The following CDH12 variants were observed in gnomAD, a reference collection of about 807,000 sequenced individuals.
CDH12 encodes cadherin-12.
Under a neutral mutation model 74.1 loss-of-function variants are expected in CDH12, and 41 were observed. That is an observed-to-expected ratio of 0.55 (90% CI 0.43 to 0.72). The LOEUF (loss-of-function observed/expected upper bound fraction) is 0.72, where lower values mean the gene tolerates loss of function less well. Ranked by LOEUF, CDH12 falls within the 30% of genes least tolerant of loss-of-function variation. CDH12 has a pLI of 0.00. For synonymous variants in CDH12, 399 were observed against 355.0 expected (o/e 1.12, Z -1.39); for missense variants, 945 against 977.2 (o/e 0.97, Z 0.44).
At chr5:22,125,232 G>A (rs966476257) in intron 4 of CDH12, among the ~76,000 whole-genome samples, 1 of 151,892 alleles carries the variant, frequency 6.6e-6, no homozygotes, top group African/African-American at 2.4e-5. Context: ...CATGCATTAG[G>A]TATTTGTCCT....
chr5:22,337,035 A>T (rs541962764), intron 3 of CDH12, among the ~76,000 whole-genome samples: 1 of 152,210 alleles, frequency 6.6e-6, no homozygotes, highest in Non-Finnish European at 1.5e-5. Context: ...CATAAGTGTG[A>T]CCTGAATGGG....
intron 3 of CDH12, among the ~76,000 whole-genome samples, chr5:22,259,063 T>C (rs1352407224): frequency 7.9e-5 from 12 of 152,268 alleles, no homozygotes; most frequent in Admixed American, 5.9e-4. Context: ...TTTTAATGTG[T>C]TTATTTGGAT....
At chr5:22,444,922 C>A (rs528419446) in intron 2 of CDH12, among the ~76,000 whole-genome samples, 305 of 151,868 alleles carry the variant, frequency 2.0e-3, no homozygotes, top group African/African-American at 7.1e-3. Flanking sequence ...ATACCATGTT[C>A]TCCAGAAGAC....
intron 11 of CDH12, among the ~76,000 whole-genome samples, chr5:21,769,270 A>G (rs1442091009): frequency 2.0e-5 from 3 of 152,050 alleles, no homozygotes; most frequent in Non-Finnish European, 4.4e-5. Flanking sequence ...ATCAGACCCA[A>G]ATATAAATTT....
Position 22,300,285 on chromosome 5 carries a change from T to A in CDH12, c.-332-87642A>T, listed in dbSNP as rs541039785. ...AAGCTACAGCTATGACAACAACATT[T>A]ATTAGGAATCCACCATATGTATGCA... On this transcript the variant is annotated intron_variant, in intron 3 of 14. Coordinates refer to ENST00000382254, the MANE Select transcript of CDH12 (RefSeq NM_004061.5). Among the ~76,000 whole-genome samples the A allele has an allele frequency of 3.3e-5, 5 of 152,302 alleles. No individual in the cohort carries two copies. The East Asian group carries it at 7.7e-4, about 24-fold the overall frequency.
At chr5:22,701,640 T>G (rs2126960265) in intron 1 of CDH12, among the ~76,000 whole-genome samples, 1 of 152,250 alleles carries the variant, frequency 6.6e-6, no homozygotes, top group South Asian at 2.1e-4. Context: ...TTGCCTTTTA[T>G]TACTGGTTTT....
chr5:21,755,234 A>G (rs145725817), intron 14 of CDH12, among the ~76,000 whole-genome samples: 1 of 152,204 alleles, frequency 6.6e-6, no homozygotes, highest in Non-Finnish European at 1.5e-5. Flanking sequence ...ACTAGGAAGT[A>G]AAACAAATTG....
chr5:21,853,909 GT>G (rs1750609227), intron 7 of CDH12, among the ~76,000 whole-genome samples: 1 of 151,504 alleles, frequency 6.6e-6, no homozygotes, highest in South Asian at 2.1e-4. Context: ...AATAACCATC[GT>G]TGTGGGGTTT....
rs1242516106 is a variant in CDH12, at chr5:21,953,355, T to C, written c.526+21736A>G. Among the ~76,000 whole-genome samples the C allele has an allele frequency of 2.0e-5, 3 of 152,208 alleles. No individual in the cohort carries two copies. In the East Asian group the frequency reaches 5.8e-4, roughly 29 times the overall value. On this transcript the variant is annotated intron_variant, in intron 6 of 14. Coordinates refer to ENST00000382254, the MANE Select transcript of CDH12 (RefSeq NM_004061.5). ...CCTGCAATTGGTTGTCTCCTTGGAATGTATAAAAACAAACTGTAACCCGGT... is the reference window on the plus strand; with the variant it reads ...CCTGCAATTGGTTGTCTCCTTGGAACGTATAAAAACAAACTGTAACCCGGT...
intron 7 of CDH12, among the ~76,000 whole-genome samples, chr5:21,846,602 C>A (rs1427673113): frequency 2.0e-5 from 3 of 151,894 alleles, no homozygotes; most frequent in Non-Finnish European, 4.4e-5. Context: ...GAATCTTAAT[C>A]AAAAAATAGA....
rs1375202289 is a variant in CDH12, at chr5:22,255,851, AT to A, written c.-332-43209del. Among the ~76,000 whole-genome samples the A allele has an allele frequency of 4.6e-5, 7 of 152,180 alleles. No individual in the cohort carries two copies. The South Asian group carries it at 1.0e-3, about 23-fold the overall frequency. ...ATATAACATCAGTATAACTGTTAGA[AT>A]GGTTAAATGTCAGAATGGCTGTTAT... On this transcript the variant is annotated intron_variant, in intron 3 of 14. Transcript: ENST00000382254.
chr5:21,959,405 C>T (rs1373114267), intron 6 of CDH12, among the ~76,000 whole-genome samples: 7 of 151,888 alleles, frequency 4.6e-5, no homozygotes, highest in Non-Finnish European at 7.4e-5. Context: ...GGGCTAAATG[C>T]CCCACTTAAA....
chr5:21,754,763 C>A (rs1172537938), intron 14 of CDH12, among the ~76,000 whole-genome samples: 1 of 152,060 alleles, frequency 6.6e-6, no homozygotes, highest in Non-Finnish European at 1.5e-5. Flanking sequence ...TTCCACAATA[C>A]CCAGTTGTAT....
chr5:22,222,324 G>A lies in CDH12; in HGVS notation c.-332-9681C>T, dbSNP rs1377447411. 3.9e-5 allele frequency among the ~76,000 whole-genome samples: 6 copies of A among 151,920 alleles called. No homozygotes were observed. In the East Asian group the frequency reaches 1.2e-3, roughly 29 times the overall value. On this transcript the variant is annotated intron_variant, in intron 3 of 14. Transcript: ENST00000382254. ...CATTTAGTAAAGTTCTCTCCAAGGA[G>A]CTACAAACCAAGGACCATTTATCTT...
chr5:21,947,438 G>C (rs980274410), intron 6 of CDH12, among the ~76,000 whole-genome samples: 5 of 152,134 alleles, frequency 3.3e-5, no homozygotes, highest in African/African-American at 4.8e-5. Flanking sequence ...AGGTGGTCTT[G>C]GATGGAGAAG....
At chr5:22,366,459 G>T (rs1348831368) in intron 3 of CDH12, among the ~76,000 whole-genome samples, 1 of 151,986 alleles carries the variant, frequency 6.6e-6, no homozygotes, top group Admixed American at 6.6e-5. Flanking sequence ...TAACATCTTT[G>T]TCCTTATCTT....
intron 4 of CDH12, among the ~76,000 whole-genome samples, chr5:22,208,331 T>C (rs1221488089): frequency 6.6e-6 from 1 of 152,186 alleles, no homozygotes; most frequent in Non-Finnish European, 1.5e-5. Context: ...ATGCCTGGAA[T>C]ACGATACGGG....
intron 6 of CDH12, among the ~76,000 whole-genome samples, chr5:21,956,884 A>C (rs3950906): frequency 9.2e-5 from 14 of 151,396 alleles, no homozygotes; most frequent in Admixed American, 6.0e-4. Context: ...GCCATGTGGT[A>C]CAGCATGGGT....
intron 3 of CDH12, among the ~76,000 whole-genome samples, chr5:22,290,060 C>T (rs1028633434): frequency 4.6e-5 from 7 of 152,136 alleles, no homozygotes; most frequent in African/African-American, 1.7e-4. Flanking sequence ...ACATTGAGCC[C>T]TGGGCTTTTG....
Sources: gnomAD v4.1 joint callset for allele counts (sites outside exome capture counted in the v4.1 genomes callset) on GRCh38, gnomAD v4.1.1 for gene constraint, MANE v1.5 for transcripts, NCBI Gene and HGNC (gene_info 2026-07-23, HGNC 2026-07-21) for gene names.